MOK: variants seen among roughly 807,000 people sequenced by gnomAD.
The protein encoded by MOK is MAPK/MAK/MRK overlapping kinase.
MOK carries 59 observed loss-of-function variants against 54.2 expected under a neutral mutation model. That is an observed-to-expected ratio of 1.09 (90% CI 0.88 to 1.35). MOK has a LOEUF of 1.35. Ranked by LOEUF, MOK falls within the 40% of genes most tolerant of loss-of-function variation. The pLI, the probability that MOK is intolerant of heterozygous loss-of-function variation, is 0.00. For missense variants in MOK, 517 were observed against 526.2 expected (o/e 0.98, Z 0.17); for synonymous variants, 210 against 202.7 (o/e 1.04, Z -0.31).
intron 7 of MOK, among the ~76,000 whole-genome samples, chr14:102,243,891 T>C (rs1389656907): frequency 6.6e-6 from 1 of 152,216 alleles, no homozygotes; most frequent in East Asian, 1.9e-4. Flanking sequence ...ACATCTATCA[T>C]TGAGGCTACT....
At position 102,259,579 on chromosome 14, in the gene MOK, G is replaced by C. The variant is rs138662742; in HGVS notation, c.283+3967C>G. ...ATCTGTAAAATGGGAATAATAAATAGTGCCAACCACACAGGGTTGTCATGA... is the reference window on the plus strand; with the variant it reads ...ATCTGTAAAATGGGAATAATAAATACTGCCAACCACACAGGGTTGTCATGA... On this transcript the variant is annotated intron_variant, in intron 4 of 11. Coordinates refer to ENST00000361847, the MANE Select transcript of MOK (RefSeq NM_014226.3). 1.8e-4 allele frequency among the ~76,000 whole-genome samples: 27 copies of C among 152,298 alleles called. No individual in the cohort carries two copies. In the East Asian group the frequency reaches 5.0e-3, roughly 28 times the overall value.
intron 7 of MOK, among the ~76,000 whole-genome samples, chr14:102,241,238 T>C (rs2065691602): frequency 6.6e-6 from 1 of 152,190 alleles, no homozygotes; most frequent in South Asian, 2.1e-4. Context: ...AATCCTTTTC[T>C]ACAGACCCAT....
intron 1 of MOK, among the ~76,000 whole-genome samples, chr14:102,295,201 C>T (rs894620516): frequency 6.6e-5 from 10 of 151,828 alleles, no homozygotes; most frequent in Admixed American, 4.6e-4. Context: ...TAAACAAGCA[C>T]CAAAACAAAA....
At chr14:102,287,010 C>T (rs546050295) in intron 1 of MOK, among the ~76,000 whole-genome samples, 37 of 151,954 alleles carry the variant, frequency 2.4e-4, no homozygotes, top group South Asian at 6.2e-4. Context: ...TTACAGGTGT[C>T]TCATTTTCTA....
At chr14:102,281,850 G>C (rs1384907424) in intron 2 of MOK, among the ~76,000 whole-genome samples, 1 of 152,194 alleles carries the variant, frequency 6.6e-6, no homozygotes, top group African/African-American at 2.4e-5. Flanking sequence ...GAAACACAGA[G>C]AATGCAGAAT....
At chr14:102,281,529 C>T (rs1380629769) in intron 2 of MOK, among the ~76,000 whole-genome samples, 2 of 147,524 alleles carry the variant, frequency 1.4e-5, no homozygotes, top group Non-Finnish European at 3.0e-5. Flanking sequence ...AAAAAAAAAG[C>T]ATCACACCCT....
intron 2 of MOK, among the ~76,000 whole-genome samples, chr14:102,274,630 T>TA (rs1470785902): frequency 6.6e-6 from 1 of 151,812 alleles, no homozygotes; most frequent in East Asian, 1.9e-4. Flanking sequence ...GAGCTGATTC[T>TA]AAAATGTATG....
chr14:102,281,772 G>A (rs1344138084), intron 2 of MOK, among the ~76,000 whole-genome samples: 1 of 152,016 alleles, frequency 6.6e-6, no homozygotes, highest in Non-Finnish European at 1.5e-5. Flanking sequence ...GGGATAATCA[G>A]TATACTGTGC....
intron 1 of MOK, among the ~76,000 whole-genome samples, chr14:102,288,165 AG>A (rs2070354859): frequency 6.6e-6 from 1 of 152,220 alleles, no homozygotes; most frequent in African/African-American, 2.4e-5. Flanking sequence ...CATATGACCC[AG>A]CAATTCCACT....
At chr14:102,253,764 G>A (rs1409075094) in intron 4 of MOK, among the ~76,000 whole-genome samples, 1 of 152,176 alleles carries the variant, frequency 6.6e-6, no homozygotes, top group African/African-American at 2.4e-5. Flanking sequence ...TTCAAAGTGT[G>A]TGTTTTAAGT....
chr14:102,222,908 C>A, downstream of MOK: 3 of 1,613,688 alleles, frequency 1.9e-6, no homozygotes, highest in Non-Finnish European at 2.5e-6. The surrounding 1 kb of genome is among the most constrained non-coding windows in gnomAD (Gnocchi z 4.4). Context: ...CGCGCACAGT[C>A]TCCCGGGACT....
At chr14:102,226,653 A>C (rs973950251), downstream of MOK, among the ~76,000 whole-genome samples, 23 of 152,136 alleles carry the variant, frequency 1.5e-4, no homozygotes, top group African/African-American at 5.1e-4. This position sits in a 1 kb window ranked among gnomAD's most constrained non-coding sequence, Gnocchi z 4.8. Flanking sequence ...GGGGACCCTG[A>C]CGCCTCCTGC....
rs759544127 is a variant in MOK at position 102,229,482 on chromosome 14, A to G, written c.1157T>C (p.Leu386Ser). 12 of 1,614,176 alleles carry G rather than the reference A, an allele frequency of 7.4e-6. No homozygotes were observed. Among genetic ancestry groups the G allele is most frequent in the Non-Finnish European group, 8.5e-7 (1 of 1,180,032 alleles). ...CTTCTTGCTCGCAGGGATGCACTTC[A>G]AGGGTCTCAGCACCGGCACTCTTCC... Reference protein sequence around the residue: ...TNGRVPVLRPLKCIPASKKTD... With the variant: ...TNGRVPVLRPSKCIPASKKTD... The change falls in exon 11 of 12, where the codon TTG becomes TCG. Residue 386 changes from leucine to serine, a missense_variant. Leu to Ser is a moderately radical substitution (Grantham distance 145). Coordinates refer to ENST00000361847, the MANE Select transcript of MOK (RefSeq NM_014226.3).
chr14:102,264,439 C>T (rs989985901), intron 3 of MOK: 2 of 152,194 alleles, frequency 1.3e-5, no homozygotes, highest in African/African-American at 4.8e-5. Flanking sequence ...GCTGAGCCAC[C>T]AACTTCTGAG....
At chr14:102,264,631 A>C (rs948150333) in intron 3 of MOK, 7 of 152,252 alleles carry the variant, frequency 4.6e-5, no homozygotes, top group African/African-American at 1.7e-4. Context: ...TGCAGTGTTG[A>C]GACTATTACA....
In MOK at chr14:102,230,360, T is replaced by G. The variant is rs1458457153; in HGVS notation, c.982-703A>C. 6.6e-6 allele frequency: 1 copy of G among 152,176 alleles called. No individual in the cohort carries two copies. The highest frequency in any genetic ancestry group is 2.1e-4 in the South Asian group (1 of 4,826). The allele number at this position is 152,176 out of a possible 1,614,324, so 9.4% of individuals were successfully genotyped here. On this transcript the variant is annotated intron_variant, in intron 10 of 11. Transcript: ENST00000361847. This position sits in a 1 kb window ranked among gnomAD's most constrained non-coding sequence, Gnocchi z 4.1. ...GCACCCACCTGGTTTTTATTTTTAA[T>G]GACTGAAAAAAAAATGTTTCATGGC... is the stretch of plus-strand genomic sequence containing the variant.
chr14:102,245,712 A>G lies in MOK; in HGVS notation c.590+5100T>C, dbSNP rs1260697860. Reference sequence around the variant, plus strand: ...CCGCCTGCACCCAGGTGAAATAAATAGCCTTGTTGCTCACACAAAGCCTGT... The same window carrying G: ...CCGCCTGCACCCAGGTGAAATAAATGGCCTTGTTGCTCACACAAAGCCTGT... On this transcript the variant is annotated intron_variant, in intron 7 of 11. Coordinates refer to ENST00000361847, the MANE Select transcript of MOK (RefSeq NM_014226.3). The surrounding 1 kb of genome is among the most constrained non-coding windows in gnomAD (Gnocchi z 4.3). Among the ~76,000 whole-genome samples the G allele has an allele frequency of 6.6e-6, 1 of 152,140 alleles. No homozygotes were observed. The highest frequency in any genetic ancestry group is 1.5e-5 in the Non-Finnish European group (1 of 68,022).
At chr14:102,239,541 C>T (rs993946974) in intron 7 of MOK, among the ~76,000 whole-genome samples, 1 of 152,178 alleles carries the variant, frequency 6.6e-6, no homozygotes, top group Non-Finnish European at 1.5e-5. Context: ...GCCTCACTGA[C>T]CAGACCCTCC....
intron 10 of MOK, 110 bp from the exon 11 acceptor site, chr14:102,229,767 A>C (rs2064498598): frequency 9.8e-7 from 1 of 1,019,170 alleles, no homozygotes; most frequent in Non-Finnish European, 1.4e-6. Context: ...CAATTTCTTG[A>C]CCATAAGATG....
Sources: allele counts gnomAD v4.1 joint callset (sites outside exome capture counted in the v4.1 genomes callset), GRCh38; gene constraint gnomAD v4.1.1; non-coding constraint Gnocchi (gnomAD v3.1); transcripts MANE v1.5; gene names NCBI Gene and HGNC (gene_info 2026-07-23, HGNC 2026-07-21).